Variants in UNKL observed in about 807,000 individuals in gnomAD.
UNKL encodes unk like zinc finger, also known as putative E3 ubiquitin-protein ligase UNKL.
In UNKL, 60 loss-of-function variants were observed where a neutral mutation model predicts 78.0. The observed-to-expected ratio is 0.77, with a 90% confidence interval of 0.63 to 0.95. UNKL has a LOEUF of 0.95. Ranked by LOEUF, UNKL falls within the 40% of genes least tolerant of loss-of-function variation. UNKL has a pLI of 0.00. For synonymous variants in UNKL, 608 were observed against 474.8 expected, an observed-to-expected ratio of 1.28 and a Z score of -3.65; for missense variants, 1,159 against 1,045.7, an observed-to-expected ratio of 1.11 and a Z score of -1.49.
intron 3 of UNKL, among the ~76,000 whole-genome samples, chr16:1,402,052 T>G (rs2037549653): frequency 6.6e-6 from 1 of 152,224 alleles, no homozygotes; most frequent in Non-Finnish European, 1.5e-5. Context: ...TATGGGCCAC[T>G]ATGCTCAGCC....
intron 12 of UNKL, among the ~76,000 whole-genome samples, chr16:1,368,593 A>G (rs909918474): frequency 7.4e-6 from 1 of 135,518 alleles, no homozygotes; most frequent in Non-Finnish European, 1.6e-5. Context: ...TGGGCGACAG[A>G]ATGAGACTCC....
At position 1,413,230 on chromosome 16, in the gene UNKL, C is replaced by G. The variant is rs563021786; in HGVS notation, c.287+616G>C. On this transcript the variant is annotated intron_variant, in intron 2 of 14. Coordinates refer to ENST00000389221, the MANE Select transcript of UNKL (RefSeq NM_001372107.1). ...TTGCACTCCAGCCCCAGCGACAGAG[C>G]AAGACCCTGTCTCAAAAAAAAAAAA... 1.3e-4 allele frequency among the ~76,000 whole-genome samples: 16 copies of G among 120,946 alleles called. 1 individual carries two copies. The South Asian group carries it at 3.7e-3, about 28-fold the overall frequency. 79.3% of individuals were successfully genotyped at this position (120,946 alleles called of 152,430 possible).
chr16:1,383,189 G>A (rs947066196), intron 10 of UNKL, among the ~76,000 whole-genome samples: 12 of 148,454 alleles, frequency 8.1e-5, no homozygotes, highest in African/African-American at 2.2e-4. Flanking sequence ...GGAGATTGGC[G>A]TGAAGTCGGG....
At position 1,368,419 on chromosome 16, in the gene UNKL, G is replaced by A. The variant is rs1037599401; in HGVS notation, c.1586-561C>T. On this transcript the variant is annotated intron_variant, in intron 12 of 14. Coordinates refer to ENST00000389221, the MANE Select transcript of UNKL (RefSeq NM_001372107.1). ...AGATCGAGACCATCCTGGCTAACAA[G>A]GTGAAACCCCGTCTCTACTAAAAAT... 5.3e-5 allele frequency among the ~76,000 whole-genome samples: 8 copies of A among 151,596 alleles called. No homozygotes were observed. In the East Asian group the frequency reaches 5.8e-4, roughly 11 times the overall value.
At chr16:1,393,012 G>A (rs1398525234) in intron 7 of UNKL, 36 bp from the exon 8 acceptor site, 10 of 1,543,906 alleles carry the variant, frequency 6.5e-6, no homozygotes, top group East Asian at 2.4e-5. Context: ...TCTGAGGGCC[G>A]CTGGTGGGCG....
chr16:1,376,579 C>G (rs2036242190), intron 10 of UNKL, among the ~76,000 whole-genome samples: 1 of 152,154 alleles, frequency 6.6e-6, no homozygotes, highest in Admixed American at 6.5e-5. Flanking sequence ...GAGTGTCTGT[C>G]CAAGTTTCTT....
intron 2 of UNKL, among the ~76,000 whole-genome samples, chr16:1,410,813 T>G (rs566062589): frequency 1.3e-5 from 2 of 152,290 alleles, no homozygotes; most frequent in East Asian, 3.9e-4. Context: ...AAAGCCCCAT[T>G]TGCGGAAAAC....
At chr16:1,412,510 G>A (rs1452629641) in intron 2 of UNKL, among the ~76,000 whole-genome samples, 1 of 152,214 alleles carries the variant, frequency 6.6e-6, no homozygotes, top group Non-Finnish European at 1.5e-5. Flanking sequence ...TATTCAGGAG[G>A]CTGAGGCAGG....
chr16:1,376,440 TTCCAGGGCTGGCACACTCCTCCTCCC>T (rs1032077477), intron 10 of UNKL, among the ~76,000 whole-genome samples: 129 of 135,296 alleles, frequency 9.5e-4, no homozygotes, highest in Non-Finnish European at 1.1e-4. Flanking sequence ...TCCTCCCTCT[TTCCAGGGCTGGCACACTCCTCCTCCC>T]TCCAGGGCTG....
Position 1,367,303 on chromosome 16 carries a change from G to T in UNKL, c.1835C>A (p.Ala612Asp). Residue 612 changes from alanine to aspartate, a missense_variant, in exon 14 of 15, where the codon GCC becomes GAC. By Grantham distance (126) the Ala-to-Asp change is moderately radical. Transcript: ENST00000389221. ...CTGCCGGTCGCTATCGGCCACACGG[G>T]CACGCTCCTTGGCCTCCTGCGCCTC... is the stretch of plus-strand genomic sequence containing the variant. ...QREAQEAKER[A>D]RVADSDRQLA... 1 of 1,555,896 alleles carries T rather than the reference G, an allele frequency of 6.4e-7. No individual in the cohort carries two copies. The highest frequency in any genetic ancestry group is 8.7e-7 in the Non-Finnish European group (1 of 1,154,994).
At position 1,385,406 on chromosome 16, in the gene UNKL, C is replaced by T. The variant is rs1014208109; in HGVS notation, c.1087-21G>A. 6 of 1,340,256 alleles carry T rather than the reference C, an allele frequency of 4.5e-6. No homozygotes were observed. The African/African-American group carries it at 4.6e-5, about 10-fold the overall frequency. The allele number at this position is 1,340,256 out of a possible 1,614,324, so 83.0% of individuals were successfully genotyped here. ...TGGTTCTGTTCAAAGACATAAACAC[C>T]GTGAGCGCGCACCCCCTGCGTGGAG... On this transcript the variant is annotated intron_variant, in intron 9 of 14. Coordinates refer to ENST00000389221, the MANE Select transcript of UNKL (RefSeq NM_001372107.1).
chr16:1,414,648 G>GC lies in UNKL; in HGVS notation c.43_44insG (p.Ser15CysfsTer6). ...GGTCGGCTTCTCAGTCTGCGGGGGG[G>GC]ACCCGCTCAGCGCCGCTGCCGCCGC... On this transcript the variant is annotated frameshift_variant, in exon 1 of 15. Transcript: ENST00000389221. LOFTEE classifies it high-confidence loss of function. The GC allele has an allele frequency of 8.8e-7, 1 of 1,141,564 alleles. No homozygotes were observed. Among genetic ancestry groups the GC allele is most frequent in the Non-Finnish European group, 1.1e-6 (1 of 919,182 alleles). The allele number at this position is 1,141,564 out of a possible 1,614,324, so 70.7% of individuals were successfully genotyped here.
intron 2 of UNKL, 72 bp downstream of exon 2, chr16:1,413,774 G>A (rs2038155474): frequency 4.2e-6 from 6 of 1,445,188 alleles, no homozygotes; most frequent in East Asian, 5.0e-5. Context: ...TCCGCTGAGG[G>A]TCCCGGCCGC....
chr16:1,383,445 G>A (rs560762701), intron 10 of UNKL: 214 of 203,656 alleles, frequency 1.1e-3, no homozygotes, highest in African/African-American at 3.0e-3. Context: ...TGCTGAGAGC[G>A]GGGCCCTGGG....
rs1202643149 is a variant in UNKL at position 1,371,607 on chromosome 16, A to G, written c.1269T>C (p.Ser423=). 6.5e-7 allele frequency: 1 copy of G among 1,536,110 alleles called. No homozygotes were observed. Among genetic ancestry groups the G allele is most frequent in the East Asian group, 2.4e-5 (1 of 40,916 alleles). Reference sequence around the variant, plus strand: ...CATTGCTAAGATGCAGGTCTAACGCAGAACCTGTCAACAGAGCCCCCCATC... The same window carrying G: ...CATTGCTAAGATGCAGGTCTAACGCGGAACCTGTCAACAGAGCCCCCCATC... ...ASSTVEAVLG[S]ALDLHLSNVN... is the part of the protein sequence containing the mutation. The change falls in exon 11 of 15, where the codon TCT becomes TCC. Residue 423 remains serine, a synonymous_variant. Transcript: ENST00000389221.
In UNKL at chr16:1,366,224, G is replaced by T. The variant is rs773729164; in HGVS notation, c.*16C>A. ...GAGCCAGGGTGCCCAGCAGGAGGTG[G>T]CTGTCCCCGCTGAGGTCACCACTGC... On this transcript the variant is annotated 3_prime_UTR_variant, in exon 15 of 15. Coordinates refer to ENST00000389221, the MANE Select transcript of UNKL (RefSeq NM_001372107.1). 10 of 1,508,790 alleles carry T rather than the reference G, an allele frequency of 6.6e-6. No homozygotes were observed. The Admixed American group carries it at 8.4e-5, about 13-fold the overall frequency. The allele number at this position is 1,508,790 out of a possible 1,614,324, so 93.5% of individuals were successfully genotyped here.
intron 2 of UNKL, among the ~76,000 whole-genome samples, chr16:1,411,754 G>A (rs1035891387): frequency 2.0e-5 from 3 of 152,170 alleles, no homozygotes; most frequent in African/African-American, 7.2e-5. Context: ...GAACCTGGGA[G>A]GCGGAGGTTG....
chr16:1,388,446 T>C (rs1316310536), intron 9 of UNKL, among the ~76,000 whole-genome samples: 3 of 152,094 alleles, frequency 2.0e-5, no homozygotes, highest in Non-Finnish European at 4.4e-5. Context: ...TTCCCCAGCC[T>C]ACTGGAGGCC....
chr16:1,388,005 T>G (rs879670909), intron 9 of UNKL, among the ~76,000 whole-genome samples: 2 of 152,168 alleles, frequency 1.3e-5, no homozygotes, highest in Non-Finnish European at 2.9e-5. Context: ...CCATGACCCC[T>G]GTGGGCGTCT....
Sources: gnomAD v4.1 joint callset for allele counts (sites outside exome capture counted in the v4.1 genomes callset) on GRCh38, gnomAD v4.1.1 for gene constraint, MANE v1.5 for transcripts, NCBI Gene and HGNC (gene_info 2026-07-23, HGNC 2026-07-21) for gene names.